The following ATP6V0E1 variants were observed in gnomAD, a reference collection of about 807,000 sequenced individuals.
ATP6V0E1 encodes ATPase H+ transporting V0 subunit e1, also known as V-type proton ATPase subunit e 1.
A neutral mutation model predicts 11.6 loss-of-function variants in ATP6V0E1; 4 were observed. The ratio of observed to expected loss-of-function variants is 0.35; its 90% CI spans 0.17 to 0.79. The LOEUF is 0.79. Ranked by LOEUF, ATP6V0E1 falls within the 30% of genes least tolerant of loss-of-function variation. The pLI is 0.54. For missense variants in ATP6V0E1, 105 were observed against 100.0 expected (o/e 1.05, Z -0.21); for synonymous variants, 36 against 34.8 (o/e 1.04, Z -0.13).
At chr5:172,992,862 A>G (rs985925617) in intron 1 of ATP6V0E1, among the ~76,000 whole-genome samples, 3 of 152,084 alleles carry the variant, frequency 2.0e-5, no homozygotes, top group Admixed American at 6.6e-5. Context: ...CAATAGCGCA[A>G]TCTCGGCTCA....
chr5:172,992,866 C>T (rs761536146), intron 1 of ATP6V0E1, among the ~76,000 whole-genome samples: 2 of 152,026 alleles, frequency 1.3e-5, no homozygotes, highest in African/African-American at 4.8e-5. Flanking sequence ...AGCGCAATCT[C>T]GGCTCACTGC....
intron 3 of ATP6V0E1, among the ~76,000 whole-genome samples, chr5:173,033,546 T>G (rs1561779044): frequency 6.6e-6 from 1 of 152,130 alleles, no homozygotes; most frequent in African/African-American, 2.4e-5. Flanking sequence ...CCTAGTACAT[T>G]GTAAATATAG....
In ATP6V0E1 at chr5:172,999,510, A is replaced by T. The variant is rs113616566; in HGVS notation, c.152+4688A>T. Among the ~76,000 whole-genome samples, 1,321 of 152,244 alleles carry T rather than the reference A, an allele frequency of 8.7e-3. 19 individuals are homozygous for T. Among genetic ancestry groups the T allele is most frequent in the African/African-American group, 0.03 (1,260 of 41,522 alleles). ...GGCTAATTTTTTAAATTTTTAGTAGATGAGGTCCTGCTATGTTTGTTGCCC... is the reference window on the plus strand; with the variant it reads ...GGCTAATTTTTTAAATTTTTAGTAGTTGAGGTCCTGCTATGTTTGTTGCCC... On this transcript the variant is annotated intron_variant, in intron 2 of 3. Coordinates refer to ENST00000519374, the MANE Select transcript of ATP6V0E1 (RefSeq NM_003945.4).
At chr5:172,987,114 G>T in intron 1 of ATP6V0E1, 1 of 212,046 alleles carries the variant, frequency 4.7e-6, no homozygotes, top group South Asian at 5.6e-5. Context: ...ACAAAAAGAG[G>T]AGCAGAAGAA....
At chr5:173,018,759 C>T (rs1756438839) in intron 2 of ATP6V0E1, among the ~76,000 whole-genome samples, 1 of 152,096 alleles carries the variant, frequency 6.6e-6, no homozygotes, top group Admixed American at 6.6e-5. Context: ...AGTAGGTGCT[C>T]ATTAAATATT....
At chr5:172,985,039 G>C (rs575894907) in intron 1 of ATP6V0E1, among the ~76,000 whole-genome samples, 2 of 152,316 alleles carry the variant, frequency 1.3e-5, no homozygotes, top group Admixed American at 1.3e-4. Flanking sequence ...GAGGTCAGGA[G>C]ATCGAGACCA....
chr5:172,993,553 A>G (rs926686883), intron 1 of ATP6V0E1, among the ~76,000 whole-genome samples: 1 of 151,598 alleles, frequency 6.6e-6, no homozygotes, highest in Non-Finnish European at 1.5e-5. Context: ...AGTTAAAAAT[A>G]AAGAAAAATA....
At chr5:172,988,431 G>A (rs768810606) in intron 1 of ATP6V0E1, among the ~76,000 whole-genome samples, 14 of 152,120 alleles carry the variant, frequency 9.2e-5, no homozygotes, top group Non-Finnish European at 1.5e-4. Flanking sequence ...ACTTTTCCAT[G>A]TTCCCATTTC....
chr5:173,016,243 A>G (rs938112445), intron 2 of ATP6V0E1, among the ~76,000 whole-genome samples: 6 of 152,170 alleles, frequency 3.9e-5, no homozygotes, highest in Admixed American at 3.3e-4. Context: ...TGCTGATGCT[A>G]CCTCCAGGCA....
At chr5:173,016,279 A>G (rs998564058) in intron 2 of ATP6V0E1, among the ~76,000 whole-genome samples, 2 of 152,184 alleles carry the variant, frequency 1.3e-5, no homozygotes, top group African/African-American at 4.8e-5. Context: ...GAATTGGAGG[A>G]CACCCAGCTG....
At position 172,998,016 on chromosome 5, in the gene ATP6V0E1, T is replaced by G. The variant is rs112898662; in HGVS notation, c.152+3194T>G. Reference sequence around the variant, plus strand: ...CCCAGCTACCGGGAAGGTGGAGGTGTGAGGATCACCTGAGCCCGGGGAAGT... The same window carrying G: ...CCCAGCTACCGGGAAGGTGGAGGTGGGAGGATCACCTGAGCCCGGGGAAGT... On this transcript the variant is annotated intron_variant, in intron 2 of 3. Coordinates refer to ENST00000519374, the MANE Select transcript of ATP6V0E1 (RefSeq NM_003945.4). Among the ~76,000 whole-genome samples, 564 of 151,428 alleles carry G rather than the reference T, an allele frequency of 3.7e-3. 2 individuals are homozygous for G. The highest frequency in any genetic ancestry group is 0.013 in the African/African-American group (540 of 41,252).
At chr5:172,997,591 C>G (rs912717734) in intron 2 of ATP6V0E1, among the ~76,000 whole-genome samples, 1 of 151,772 alleles carries the variant, frequency 6.6e-6, no homozygotes, top group Admixed American at 6.6e-5. Flanking sequence ...GGGCGGATCA[C>G]GAGGTCAGGA....
At chr5:173,030,921 G>GTATT (rs33921331) in intron 3 of ATP6V0E1, among the ~76,000 whole-genome samples, 17,419 of 141,792 alleles carry the variant, frequency 0.12, 1,194 homozygotes, top group African/African-American at 0.15. Context: ...GCTAATTTTT[G>GTATT]TATTTATTTA....
At chr5:173,017,968 C>G (rs1756429478) in intron 2 of ATP6V0E1, among the ~76,000 whole-genome samples, 2 of 152,122 alleles carry the variant, frequency 1.3e-5, no homozygotes, top group South Asian at 4.1e-4. Flanking sequence ...GTTGGTTGGG[C>G]TTGTTTACCT....
intron 2 of ATP6V0E1, among the ~76,000 whole-genome samples, chr5:173,005,160 G>GAAA (rs35638656): frequency 1.4e-5 from 2 of 140,720 alleles, no homozygotes; most frequent in African/African-American, 2.6e-5. Flanking sequence ...CAGTTTCTAC[G>GAAA]AAAAAAAAAA....
intron 2 of ATP6V0E1, among the ~76,000 whole-genome samples, chr5:173,008,373 C>T (rs1316675254): frequency 6.8e-6 from 1 of 147,094 alleles, no homozygotes; most frequent in Non-Finnish European, 1.5e-5. Flanking sequence ...AATCTTGGCT[C>T]ACTGCAACGC....
chr5:173,013,796 G>C (rs1469589683), intron 2 of ATP6V0E1, among the ~76,000 whole-genome samples: 5 of 152,010 alleles, frequency 3.3e-5, no homozygotes, highest in Admixed American at 2.0e-4. Flanking sequence ...TAATCACTAG[G>C]GAAATGCAAT....
intron 2 of ATP6V0E1, among the ~76,000 whole-genome samples, chr5:173,015,664 T>TGA (rs1756388982): frequency 6.6e-6 from 1 of 152,172 alleles, no homozygotes; most frequent in Admixed American, 6.5e-5. Flanking sequence ...AGGAAGAGCA[T>TGA]GAGAACTTTG....
intron 3 of ATP6V0E1, among the ~76,000 whole-genome samples, chr5:173,032,249 T>TTTTATTTATTTA: frequency 7.6e-6 from 1 of 132,256 alleles, no homozygotes; most frequent in Non-Finnish European, 1.7e-5. Flanking sequence ...TTTTATTTTA[T>TTTTATTTATTTA]TTTATTTATT....
Sources: allele counts gnomAD v4.1 joint callset (sites outside exome capture counted in the v4.1 genomes callset), GRCh38; gene constraint gnomAD v4.1.1; transcripts MANE v1.5; gene names NCBI Gene and HGNC (gene_info 2026-07-23, HGNC 2026-07-21).